Variants in GLRX2 observed in about 807,000 individuals in gnomAD.
GLRX2 encodes the protein bA101E13.1 (GRX2 glutaredoxin (thioltransferase) 2).
In GLRX2, 12 loss-of-function variants were observed where a neutral mutation model predicts 16.4. The ratio of observed to expected loss-of-function variants is 0.73; its 90% CI spans 0.47 to 1.19. The LOEUF is 1.19. Among genes scored for constraint, GLRX2 ranks in the 50% most tolerant of loss-of-function variants. The pLI, the probability that GLRX2 is intolerant of heterozygous loss-of-function variation, is 0.00. For missense variants in GLRX2, 201 were observed against 201.8 expected, an observed-to-expected ratio of 1.00 and a Z score of 0.02; for synonymous variants, 95 against 76.2, an observed-to-expected ratio of 1.25 and a Z score of -1.28.
At chr1:193,105,226 G>A (rs762227162) in intron 1 of GLRX2, 38 bp downstream of exon 1, 5 of 1,528,582 alleles carry the variant, frequency 3.3e-6, no homozygotes, top group South Asian at 1.2e-5. Flanking sequence ...CAAGGCCTGC[G>A]CACCACGCCG....
At position 193,096,655 on chromosome 1, in the gene GLRX2, T is replaced by A. The variant is rs758425419; in HGVS notation, c.465A>T (p.Leu155Phe). ...KLLPLVHQCYLKKSKRKEFQ is the reference protein window; with the variant it reads ...KLLPLVHQCYFKKSKRKEFQ ...GAAATTCTTTCCTCTTACTTTTTTT[T>A]AAATAACACTGATGAACTAGTGGGA... Residue 155 changes from leucine to phenylalanine, a missense_variant, in exon 4 of 4, where the codon TTA becomes TTT. Leu to Phe is a conservative substitution (Grantham distance 22). Coordinates refer to ENST00000367439, the MANE Select transcript of GLRX2 (RefSeq NM_197962.3). 13 of 1,593,734 alleles carry A rather than the reference T, an allele frequency of 8.2e-6. No homozygotes were observed. The highest frequency in any genetic ancestry group is 1.1e-5 in the South Asian group (1 of 90,046).
intron 2 of GLRX2, among the ~76,000 whole-genome samples, chr1:193,098,622 GATCTCAGCA>G (rs1252872350): frequency 6.6e-6 from 1 of 152,124 alleles, no homozygotes; most frequent in Non-Finnish European, 1.5e-5. Flanking sequence ...GCAGTGGTGG[GATCTCAGCA>G]ACCTGCGCCT....
At chr1:193,097,392 C>T (rs1026483407) in intron 3 of GLRX2, among the ~76,000 whole-genome samples, 192 bp downstream of exon 3, 1 of 152,220 alleles carries the variant, frequency 6.6e-6, no homozygotes, top group Non-Finnish European at 1.5e-5. Flanking sequence ...AGTCAAAACA[C>T]ACACACAGAA....
At chr1:193,101,957 G>A (rs34839556) in intron 1 of GLRX2, among the ~76,000 whole-genome samples, 2,193 of 151,466 alleles carry the variant, frequency 0.014, 29 homozygotes, top group Admixed American at 0.038. Context: ...TTTTATCCCT[G>A]GAACCTTTTC....
chr1:193,099,977 C>T (rs1675040381), intron 2 of GLRX2, among the ~76,000 whole-genome samples: 1 of 152,166 alleles, frequency 6.6e-6, no homozygotes, highest in Non-Finnish European at 1.5e-5. Context: ...CTCCACCATG[C>T]TGCCTCAGGT....
At chr1:193,105,869 A>G (rs1675190403), upstream of GLRX2, 36 of 1,202,718 alleles carry the variant, frequency 3.0e-5, no homozygotes, top group Non-Finnish European at 3.4e-5. Flanking sequence ...TAATTAGGCA[A>G]TTGGTCGAGA....
At position 193,096,772 on chromosome 1, in the gene GLRX2, C is replaced by A; in HGVS notation, c.361-13G>T. On this transcript the variant is annotated splice_polypyrimidine_tract_variant and intron_variant, in intron 3 of 3. Transcript: ENST00000367439. ...ATATTCTTGGAACCTGTTGGACAAA[C>A]AAAAGAAGAATTAGGCTTTACTCTA... The A allele has an allele frequency of 6.3e-7, 1 of 1,592,796 alleles. No individual in the cohort carries two copies. The highest frequency in any genetic ancestry group is 8.5e-7 in the Non-Finnish European group (1 of 1,169,764).
chr1:193,105,639 C>G (rs1392058812), upstream of GLRX2: 1 of 1,594,744 alleles, frequency 6.3e-7, no homozygotes, highest in African/African-American at 1.4e-5. Context: ...GAGGGTTCAT[C>G]CGAGCCCCGC....
intron 1 of GLRX2, among the ~76,000 whole-genome samples, chr1:193,101,642 C>G (rs1013163471): frequency 1.3e-5 from 2 of 152,158 alleles, no homozygotes; most frequent in African/African-American, 2.4e-5. Context: ...GTATCTCAAC[C>G]GCAATGGGCC....
At position 193,105,279 on chromosome 1, in the gene GLRX2, GCCGCAGCTC is replaced by G. The variant is rs779512016; in HGVS notation, c.95_103del (p.Gly32_Ala34del). ...GACCCCGTACCCAGAGGCCGCAGCT[GCCGCAGCTC>G]CCGCAGCTCCCGCCGCCCTGTCAAG... is the stretch of plus-strand genomic sequence containing the variant. On this transcript the variant is annotated inframe_deletion, in exon 1 of 4. Coordinates refer to ENST00000367439, the MANE Select transcript of GLRX2 (RefSeq NM_197962.3). The G allele has an allele frequency of 1.9e-5, 29 of 1,531,340 alleles. No individual in the cohort carries two copies. Among genetic ancestry groups the G allele is most frequent in the Admixed American group, 5.8e-5 (3 of 52,114 alleles). 94.9% of individuals were successfully genotyped at this position (1,531,340 alleles called of 1,614,324 possible).
chr1:193,100,174 C>G (rs1675045052), intron 2 of GLRX2, among the ~76,000 whole-genome samples: 1 of 152,118 alleles, frequency 6.6e-6, no homozygotes, highest in Admixed American at 6.6e-5. Context: ...TGTATTTTTA[C>G]TTTAAAAGAG....
chr1:193,103,202 G>T (rs1675113912), intron 1 of GLRX2, among the ~76,000 whole-genome samples: 1 of 152,140 alleles, frequency 6.6e-6, no homozygotes, highest in Admixed American at 6.6e-5. Flanking sequence ...CGCTGAGGTT[G>T]CTAAGGTCTA....
intron 2 of GLRX2, 79 bp from the exon 3 acceptor site, chr1:193,097,839 AT>A (rs1674991296): frequency 9.5e-7 from 1 of 1,051,450 alleles, no homozygotes; most frequent in Non-Finnish European, 1.3e-6. Context: ...TGGAAAGGGT[AT>A]GGATTTTGGT....
chr1:193,101,095 TTTTTC>T, intron 2 of GLRX2, 41 bp downstream of exon 2: 1 of 1,235,488 alleles, frequency 8.1e-7, no homozygotes, highest in Non-Finnish European at 1.2e-6. Context: ...GGGACAATTC[TTTTTC>T]TACAGAGGAA....
chr1:193,100,466 G>A (rs998295087), intron 2 of GLRX2, among the ~76,000 whole-genome samples: 4 of 152,068 alleles, frequency 2.6e-5, no homozygotes, highest in Admixed American at 6.5e-5. Flanking sequence ...AGAGCGAGAC[G>A]CTGCCTCAAA....
intron 2 of GLRX2, among the ~76,000 whole-genome samples, chr1:193,100,831 G>A (rs1675060026): frequency 6.6e-6 from 1 of 152,156 alleles, no homozygotes; most frequent in Non-Finnish European, 1.5e-5. Flanking sequence ...CTAGCTAAGG[G>A]CAGCTTGACT....
In GLRX2 at chr1:193,096,701, A is replaced by G. The variant is rs1347732957; in HGVS notation, c.419T>C (p.Leu140Pro). 7 of 1,608,558 alleles carry G rather than the reference A, an allele frequency of 4.4e-6. No homozygotes were observed. The Admixed American group carries it at 8.3e-5, about 19-fold the overall frequency. The change falls in exon 4 of 4, where the codon CTT becomes CCT. Residue 140 changes from leucine to proline, a missense_variant. By Grantham distance (98) the Leu-to-Pro change is moderately conservative (BLOSUM62 -3). Transcript: ENST00000367439. Reference sequence around the variant, plus strand: ...TGGGAGCAATTTTCCTTCTTTGTGAAGCCTATGAGTGTCAGTTGCACCTCC... The same window carrying G: ...TGGGAGCAATTTTCCTTCTTTGTGAGGCCTATGAGTGTCAGTTGCACCTCC... ...FIGGATDTHR[L>P]HKEGKLLPLV...
intron 1 of GLRX2, among the ~76,000 whole-genome samples, chr1:193,103,768 A>G (rs766867327): frequency 2.0e-5 from 3 of 152,198 alleles, no homozygotes; most frequent in Non-Finnish European, 4.4e-5. Flanking sequence ...TTTACAATCT[A>G]TTATTCCTTG....
chr1:193,104,843 A>G, intron 1 of GLRX2, among the ~76,000 whole-genome samples: 1 of 152,272 alleles, frequency 6.6e-6, no homozygotes, highest in East Asian at 1.9e-4. Context: ...ACAAGAATGC[A>G]GGACGCCCGG....
Sources: gnomAD v4.1 joint callset for allele counts (sites outside exome capture counted in the v4.1 genomes callset) on GRCh38, gnomAD v4.1.1 for gene constraint, MANE v1.5 for transcripts, NCBI Gene and HGNC (gene_info 2026-07-23, HGNC 2026-07-21) for gene names.